The following IGFBP7 variants were observed in gnomAD, a reference collection of about 807,000 sequenced individuals.
IGFBP7 encodes insulin-like growth factor-binding protein 7.
Under a neutral mutation model 29.4 loss-of-function variants are expected in IGFBP7, and 31 were observed. The ratio of observed to expected loss-of-function variants is 1.05; its 90% confidence interval spans 0.79 to 1.42. The LOEUF is 1.42. IGFBP7 is among the 40% of genes most tolerant of loss of function. IGFBP7 has a pLI of 0.00. For synonymous variants in IGFBP7, 172 were observed against 174.9 expected (o/e 0.98, Z 0.13); for missense variants, 393 against 395.5 (o/e 0.99, Z 0.05).
intron 1 of IGFBP7, among the ~76,000 whole-genome samples, chr4:57,049,321 TATC>T (rs1267658046): frequency 6.6e-6 from 1 of 152,206 alleles, no homozygotes; most frequent in African/African-American, 2.4e-5. Context: ...TGTCCTCCAA[TATC>T]ATATTGTACT....
At chr4:57,073,213 C>A in intron 1 of IGFBP7, 3 of 907,002 alleles carry the variant, frequency 3.3e-6, no homozygotes, top group Admixed American at 2.7e-5. Flanking sequence ...TTTTGTATAG[C>A]ACTCTGTATC....
intron 1 of IGFBP7, among the ~76,000 whole-genome samples, chr4:57,054,694 A>G (rs1724605702): frequency 6.6e-6 from 1 of 150,836 alleles, no homozygotes; most frequent in African/African-American, 2.4e-5. Flanking sequence ...CCCCTGGGGA[A>G]GAGGATGTAA....
intron 1 of IGFBP7, among the ~76,000 whole-genome samples, chr4:57,047,472 A>G (rs995887101): frequency 6.6e-6 from 1 of 152,220 alleles, no homozygotes; most frequent in African/African-American, 2.4e-5. Flanking sequence ...GAGAAGAAAG[A>G]AAAAATGAAG....
At chr4:57,092,886 A>G (rs1376531969) in intron 1 of IGFBP7, among the ~76,000 whole-genome samples, 2 of 151,622 alleles carry the variant, frequency 1.3e-5, no homozygotes, top group Non-Finnish European at 2.9e-5. Context: ...GGAAAATATT[A>G]GTTATAAATT....
chr4:57,045,012 G>A (rs1724323397), intron 1 of IGFBP7, among the ~76,000 whole-genome samples: 1 of 152,148 alleles, frequency 6.6e-6, no homozygotes, highest in African/African-American at 2.4e-5. Flanking sequence ...GCCCAGCCAT[G>A]AATTCTTTAA....
chr4:57,059,886 T>G (rs1471975374), intron 1 of IGFBP7, among the ~76,000 whole-genome samples: 1 of 152,196 alleles, frequency 6.6e-6, no homozygotes, highest in Non-Finnish European at 1.5e-5. Context: ...TAAGGGGAAA[T>G]TCCTATGGAA....
intron 3 of IGFBP7, 145 bp downstream of exon 3, chr4:57,033,050 C>A: frequency 1.4e-6 from 1 of 737,944 alleles, no homozygotes; most frequent in Non-Finnish European, 2.5e-6. Flanking sequence ...GAAAGAGGAG[C>A]AGCGACTCCA....
At chr4:57,044,936 G>A (rs1416724112) in intron 1 of IGFBP7, among the ~76,000 whole-genome samples, 2 of 152,004 alleles carry the variant, frequency 1.3e-5, no homozygotes, top group East Asian at 1.9e-4. Context: ...TCTCAAACTC[G>A]TGGGCTCAAG....
chr4:57,056,017 C>G (rs535519488), intron 1 of IGFBP7, among the ~76,000 whole-genome samples: 31 of 152,162 alleles, frequency 2.0e-4, no homozygotes, highest in African/African-American at 7.2e-4. Context: ...CTCCAGGCCC[C>G]GGACTCCCAT....
At chr4:57,065,283 C>T (rs1724891536) in intron 1 of IGFBP7, among the ~76,000 whole-genome samples, 1 of 152,232 alleles carries the variant, frequency 6.6e-6, no homozygotes. Flanking sequence ...AACCCATCTT[C>T]CTGTGTTCTC....
chr4:57,092,931 A>G (rs892401257), intron 1 of IGFBP7, among the ~76,000 whole-genome samples: 1 of 151,970 alleles, frequency 6.6e-6, no homozygotes, highest in Non-Finnish European at 1.5e-5. Context: ...CACATTTGCA[A>G]ATTCACCTAC....
intron 2 of IGFBP7, among the ~76,000 whole-genome samples, chr4:57,038,636 A>G (rs1353858749): frequency 1.3e-5 from 2 of 152,204 alleles, no homozygotes; most frequent in African/African-American, 4.8e-5. Context: ...TGGAGAAGTA[A>G]GGCAGCTTAA....
At chr4:57,040,300 G>A (rs1258702640) in intron 2 of IGFBP7, among the ~76,000 whole-genome samples, 1 of 152,040 alleles carries the variant, frequency 6.6e-6, no homozygotes, top group Non-Finnish European at 1.5e-5. Flanking sequence ...CTTCTTAGCC[G>A]AGCCTCCCAG....
chr4:57,076,103 G>A (rs915709161), intron 1 of IGFBP7, among the ~76,000 whole-genome samples: 21 of 152,162 alleles, frequency 1.4e-4, no homozygotes, highest in African/African-American at 4.6e-4. Flanking sequence ...GTAGGGTTCT[G>A]GGGAGGCCCA....
chr4:57,043,025 G>C (rs1231821684), intron 1 of IGFBP7, among the ~76,000 whole-genome samples: 1 of 152,234 alleles, frequency 6.6e-6, no homozygotes, highest in African/African-American at 2.4e-5. Flanking sequence ...GATACCGAGA[G>C]AGCGGGTGCT....
intron 1 of IGFBP7, among the ~76,000 whole-genome samples, chr4:57,069,805 A>G (rs555264535): frequency 1.2e-4 from 19 of 152,248 alleles, no homozygotes; most frequent in South Asian, 8.3e-4. Flanking sequence ...AAATGGGGTC[A>G]GGTGCGGTGG....
chr4:57,067,277 C>G (rs1266398848), intron 1 of IGFBP7, among the ~76,000 whole-genome samples: 2 of 152,140 alleles, frequency 1.3e-5, no homozygotes, highest in Admixed American at 6.6e-5. Flanking sequence ...AAAACGTAAG[C>G]CTTAACTGTG....
At chr4:57,074,009 G>A (rs1378685456) in intron 1 of IGFBP7, among the ~76,000 whole-genome samples, 2 of 151,976 alleles carry the variant, frequency 1.3e-5, no homozygotes, top group African/African-American at 4.8e-5. Context: ...TCCAAACTCT[G>A]CCCATCGTAC....
At chr4:57,061,221 C>G (rs1018057068) in intron 1 of IGFBP7, among the ~76,000 whole-genome samples, 3 of 152,224 alleles carry the variant, frequency 2.0e-5, no homozygotes, top group Non-Finnish European at 4.4e-5. Context: ...TCAGGGGATA[C>G]TTTCTAAAAC....
Sources: allele counts gnomAD v4.1 joint callset (sites outside exome capture counted in the v4.1 genomes callset), GRCh38; gene constraint gnomAD v4.1.1; transcripts MANE v1.5; gene names NCBI Gene and HGNC (gene_info 2026-07-23, HGNC 2026-07-21).